The following RARB variants were observed in gnomAD, a reference collection of about 807,000 sequenced individuals.
RARB encodes the protein HBV-activated protein.
RARB carries 17 observed loss-of-function variants against 51.9 expected under a neutral mutation model. The ratio of observed to expected loss-of-function variants is 0.33; its 90% CI spans 0.22 to 0.49. The LOEUF is 0.49. Among genes scored for constraint, RARB ranks in the 20% least tolerant of loss-of-function variants. RARB has a pLI of 0.99. For synonymous variants in RARB, 215 were observed against 195.4 expected, an observed-to-expected ratio of 1.10 and a Z score of -0.84; for missense variants, 369 against 550.8, an observed-to-expected ratio of 0.67 and a Z score of 3.30.
At chr3:25,361,151 A>G (rs538438021) in intron 5 of RARB, among the ~76,000 whole-genome samples, 27 of 152,244 alleles carry the variant, frequency 1.8e-4, no homozygotes, top group Non-Finnish European at 3.4e-4. Flanking sequence ...ACATAGTCCC[A>G]TATTTCTTGG....
At chr3:25,145,365 T>C (rs1700169847) in intron 4 of RARB, among the ~76,000 whole-genome samples, 1 of 152,110 alleles carries the variant, frequency 6.6e-6, no homozygotes, top group Admixed American at 6.5e-5. Flanking sequence ...ACATATTGAA[T>C]ATATCACAGA....
intron 2 of RARB, among the ~76,000 whole-genome samples, chr3:25,023,544 C>A (rs1697682208): frequency 6.6e-6 from 1 of 152,134 alleles, no homozygotes; most frequent in African/African-American, 2.4e-5. Context: ...GTTAGGACTA[C>A]ATCACAAAGG....
intron 5 of RARB, among the ~76,000 whole-genome samples, chr3:25,340,246 A>G (rs190764811): frequency 6.6e-6 from 1 of 152,098 alleles, no homozygotes; most frequent in Non-Finnish European, 1.5e-5. Flanking sequence ...ACTTTATTGT[A>G]CTTCTATACT....
chr3:25,047,774 A>G (rs1294040419), intron 2 of RARB, among the ~76,000 whole-genome samples: 4 of 152,208 alleles, frequency 2.6e-5, no homozygotes, highest in South Asian at 2.1e-4. Flanking sequence ...CATACTGTCT[A>G]TCTGCATTTC....
intron 5 of RARB, among the ~76,000 whole-genome samples, chr3:25,591,294 T>G (rs568215793): frequency 6.6e-6 from 1 of 152,312 alleles, no homozygotes; most frequent in Non-Finnish European, 1.5e-5. Context: ...CCTCCCAATA[T>G]AAAACGAAGT....
chr3:25,052,094 G>C (rs1016921863), intron 2 of RARB, among the ~76,000 whole-genome samples: 2 of 152,140 alleles, frequency 1.3e-5, no homozygotes, highest in African/African-American at 4.8e-5. Context: ...AATGGGAAAA[G>C]GTCCTCATAC....
chr3:25,249,312 A>G (rs914400052), intron 5 of RARB, among the ~76,000 whole-genome samples: 1 of 152,028 alleles, frequency 6.6e-6, no homozygotes, highest in Non-Finnish European at 1.5e-5. Flanking sequence ...CTCTTAATAA[A>G]TTTCTTACTT....
chr3:25,456,621 T>C (rs1434771860), intron 1 of RARB, among the ~76,000 whole-genome samples: 1 of 99,346 alleles, frequency 1.0e-5, no homozygotes, highest in East Asian at 3.3e-4. Flanking sequence ...ATAGAGGAAA[T>C]AAAAGACCAC....
intron 5 of RARB, among the ~76,000 whole-genome samples, chr3:25,323,930 G>T (rs1156439268): frequency 2.0e-5 from 3 of 152,040 alleles, no homozygotes; most frequent in African/African-American, 7.2e-5. Flanking sequence ...ATGACAATAG[G>T]CAATCAAGGA....
At chr3:25,482,521 ATTTTTTTTTTTTTTTTTTTTT>A (rs71087718) in intron 2 of RARB, among the ~76,000 whole-genome samples, 8 of 65,788 alleles carry the variant, frequency 1.2e-4, no homozygotes, top group African/African-American at 2.1e-4. Flanking sequence ...TAGCAGCCAA[ATTTTTTTTTTTTTTTTTTTTT>A]TTTTTTTTTT....
chr3:25,396,261 T>TAGC (rs1707111462), intron 5 of RARB, among the ~76,000 whole-genome samples: 1 of 152,304 alleles, frequency 6.6e-6, no homozygotes, highest in South Asian at 2.1e-4. Context: ...CTGGTGGAGG[T>TAGC]AGCAGGGCAG....
chr3:25,265,870 C>T (rs1462329634), intron 5 of RARB, among the ~76,000 whole-genome samples: 2 of 152,164 alleles, frequency 1.3e-5, no homozygotes, highest in Admixed American at 1.3e-4. Context: ...CCTTTGAAAG[C>T]TCTAGGGGAG....
chr3:25,405,817 A>C (rs1420053050), intron 5 of RARB, among the ~76,000 whole-genome samples: 2 of 152,190 alleles, frequency 1.3e-5, no homozygotes, highest in African/African-American at 4.8e-5. Context: ...AGGAATAAGA[A>C]AGCACTTCTG....
chr3:25,425,664 C>T (rs12630664), upstream of RARB, among the ~76,000 whole-genome samples: 9,337 of 152,182 alleles, frequency 0.061, 392 homozygotes, highest in Admixed American at 0.1. Context: ...AACATCGAGT[C>T]GCCCAACCTT....
intron 2 of RARB, among the ~76,000 whole-genome samples, chr3:24,933,585 C>A (rs528789703): frequency 1.3e-5 from 2 of 152,088 alleles, no homozygotes; most frequent in South Asian, 2.1e-4. Context: ...CAAATGAGGA[C>A]TCTACAGCTA....
At chr3:25,542,029 C>G (rs973704721) in intron 3 of RARB, among the ~76,000 whole-genome samples, 2 of 152,194 alleles carry the variant, frequency 1.3e-5, no homozygotes, top group African/African-American at 2.4e-5. Flanking sequence ...GAAAGGAAAG[C>G]TAGGCATAGC....
chr3:25,023,310 C>T (rs1030154313), intron 2 of RARB, among the ~76,000 whole-genome samples: 2 of 152,098 alleles, frequency 1.3e-5, no homozygotes, highest in African/African-American at 4.8e-5. Context: ...AATCAAGAAG[C>T]CTATTTAATA....
intron 3 of RARB, among the ~76,000 whole-genome samples, chr3:25,063,972 T>C (rs1284312960): frequency 2.0e-5 from 3 of 152,090 alleles, no homozygotes; most frequent in Admixed American, 6.6e-5. Context: ...TCATTTCTGA[T>C]TGCAGTTGAA....
At chr3:25,528,436 G>A (rs1698749721) in intron 3 of RARB, among the ~76,000 whole-genome samples, 1 of 151,924 alleles carries the variant, frequency 6.6e-6, no homozygotes, top group South Asian at 2.1e-4. Context: ...TTCCAGCATG[G>A]GCCCCATGCT....
Sources: allele counts gnomAD v4.1 joint callset (sites outside exome capture counted in the v4.1 genomes callset), GRCh38; gene constraint gnomAD v4.1.1; transcripts MANE v1.5; gene names NCBI Gene and HGNC (gene_info 2026-07-23, HGNC 2026-07-21).